ABCA4: variants seen among roughly 807,000 people sequenced by gnomAD.
ABCA4 encodes ATP binding cassette subfamily A member 4.
ABCA4 carries 196 observed loss-of-function variants against 263.7 expected under a neutral mutation model. The observed-to-expected ratio is 0.74, with a 90% confidence interval of 0.66 to 0.84. The LOEUF (loss-of-function observed/expected upper bound fraction) is 0.84, where lower values mean the gene tolerates loss of function less well. Ranked by LOEUF, ABCA4 falls within the 40% of genes least tolerant of loss-of-function variation. ABCA4 has a pLI of 0.00. For synonymous variants in ABCA4, 1,133 were observed against 1,094.2 expected (o/e 1.04, Z -0.70); for missense variants, 2,792 against 2,855.1 (o/e 0.98, Z 0.50).
rs534523935 is a variant in ABCA4 at position 94,115,827 on chromosome 1, C to T, written c.67-2761G>A. Reference sequence around the variant, plus strand: ...CTTATCTGCAACCTTGTAGGCCTGCCCTCCACTTACGTTCATCTCCCTCCT... The same window carrying T: ...CTTATCTGCAACCTTGTAGGCCTGCTCTCCACTTACGTTCATCTCCCTCCT... On this transcript the variant is annotated intron_variant, in intron 1 of 49. Coordinates refer to ENST00000370225, the MANE Select transcript of ABCA4 (RefSeq NM_000350.3). Among the ~76,000 whole-genome samples the T allele has an allele frequency of 5.7e-4, 87 of 152,266 alleles. 2 individuals are homozygous for T. Among genetic ancestry groups the T allele is most frequent in the African/African-American group, 2.0e-3 (82 of 41,548 alleles).
intron 13 of ABCA4, among the ~76,000 whole-genome samples, chr1:94,062,065 A>C (rs972776587): frequency 6.6e-6 from 1 of 152,136 alleles, no homozygotes; most frequent in African/African-American, 2.4e-5. Context: ...GGGAGTGTCC[A>C]GGGAGGCAGG....
chr1:94,099,917 C>A (rs1662243281), intron 5 of ABCA4, among the ~76,000 whole-genome samples: 1 of 152,136 alleles, frequency 6.6e-6, no homozygotes, highest in South Asian at 2.1e-4. Context: ...GATCAGGTGG[C>A]AGGGGAGAGG....
chr1:93,997,944 C>T lies in ABCA4; in HGVS notation c.6646G>A (p.Ala2216Thr). The T allele has an allele frequency of 1.9e-6, 3 of 1,613,914 alleles. No homozygotes were observed. The highest frequency in any genetic ancestry group is 2.5e-6 in the Non-Finnish European group (3 of 1,179,958). ...GAGAGGAGGAGCTGGAAGATCCTCG[C>T]CAGGGAGGAGGAGGAGACCTGGAAC... is the stretch of plus-strand genomic sequence containing the variant. The part of the protein sequence containing the change: ...LQFQVSSSSL[A>T]RIFQLLLSHK... The change falls in exon 48 of 50, where the codon GCG (alanine) becomes ACG (threonine). Residue 2216 changes from alanine (A) to threonine (T), a missense_variant. By Grantham distance (58) the Ala-to-Thr change is moderately conservative (BLOSUM62 0). Transcript: ENST00000370225.
At chr1:94,023,548 C>A in intron 31 of ABCA4, 130 bp from the exon 32 acceptor site, 1 of 819,010 alleles carries the variant, frequency 1.2e-6, no homozygotes, top group Non-Finnish European at 2.1e-6. Flanking sequence ...TTCCGATATC[C>A]AAGCAATGCG....
At chr1:94,075,490 G>A (rs533413270) in intron 11 of ABCA4, among the ~76,000 whole-genome samples, 5 of 152,212 alleles carry the variant, frequency 3.3e-5, no homozygotes, top group South Asian at 2.1e-4. Context: ...GGGGAGCCTC[G>A]GCTGCCACTT....
Position 94,098,939 on chromosome 1 carries a change from G to C in ABCA4, c.623C>G (p.Ala208Gly). The C allele has an allele frequency of 6.2e-7, 1 of 1,613,006 alleles. No homozygotes were observed. Among genetic ancestry groups the C allele is most frequent in the Non-Finnish European group, 8.5e-7 (1 of 1,180,022 alleles). Reference sequence around the variant, plus strand: ...GAAGATGATGAAGCGCTCCAGGAGGGCCTCGCTGCAGGCGATGTCCTTCAG... The same window carrying C: ...GAAGATGATGAAGCGCTCCAGGAGGCCCTCGCTGCAGGCGATGTCCTTCAG... Reference protein sequence around the residue: ...LALKDIACSEALLERFIIFSQ... With the variant: ...LALKDIACSEGLLERFIIFSQ... Residue 208 changes from alanine to glycine, a missense_variant, in exon 6 of 50, where the codon GCC becomes GGC. Physicochemically the swap from Ala to Gly is moderately conservative, Grantham distance 60. Transcript: ENST00000370225.
At chr1:94,036,876 C>T (rs373940025) in intron 25 of ABCA4, 88 bp from the exon 26 acceptor site, 5 of 1,308,608 alleles carry the variant, frequency 3.8e-6, no homozygotes, top group South Asian at 2.4e-5. Flanking sequence ...TTGGGTATTG[C>T]TTCATAATGG....
chr1:94,083,089 T>A (rs1050051956), intron 7 of ABCA4, among the ~76,000 whole-genome samples: 11 of 152,258 alleles, frequency 7.2e-5, no homozygotes, highest in African/African-American at 2.7e-4. Context: ...TCTGATGATT[T>A]ATGCCACACC....
intron 11 of ABCA4, among the ~76,000 whole-genome samples, 183 bp from the exon 12 acceptor site, chr1:94,063,500 G>A (rs1211982684): frequency 1.3e-5 from 2 of 152,238 alleles, no homozygotes; most frequent in Non-Finnish European, 2.9e-5. Flanking sequence ...GTGTCCAGAT[G>A]TAGGGGCGCC....
intron 6 of ABCA4, among the ~76,000 whole-genome samples, chr1:94,096,346 T>C (rs1176134353): frequency 3.9e-5 from 6 of 152,138 alleles, no homozygotes; most frequent in African/African-American, 1.4e-4. Context: ...TGTTGGCCCT[T>C]TCTAGGCTGC....
chr1:94,054,435 T>C (rs2101066685), intron 16 of ABCA4, among the ~76,000 whole-genome samples: 2 of 152,306 alleles, frequency 1.3e-5, no homozygotes, highest in African/African-American at 4.8e-5. Context: ...TATGTAGATC[T>C]CTTCAGTCTG....
In ABCA4 at chr1:94,063,121, A is replaced by C; in HGVS notation, c.1751T>G (p.Ile584Ser). 1 of 1,613,396 alleles carries C rather than the reference A, an allele frequency of 6.2e-7. No individual in the cohort carries two copies. The highest frequency in any genetic ancestry group is 8.5e-7 in the Non-Finnish European group (1 of 1,179,672). ...DIDVVEKTNK[I>S]KDRYWDSGPR... ...CTTCCTGAAACATCACCTGTCTTTA[A>C]TCTTATTGGTTTTCTCCACCACGTC... The change falls in exon 12 of 50, where the codon ATT becomes AGT. Residue 584 changes from isoleucine to serine, a missense_variant. Transcript: ENST00000370225.
intron 6 of ABCA4, 111 bp from the exon 7 acceptor site, chr1:94,083,552 T>C: frequency 2.6e-6 from 2 of 770,496 alleles, no homozygotes; most frequent in Non-Finnish European, 2.2e-6. Flanking sequence ...CCTCCTTCTT[T>C]CTGATCGCAG....
intron 31 of ABCA4, 91 bp downstream of exon 31, chr1:94,024,863 A>G: frequency 8.5e-7 from 1 of 1,171,888 alleles, no homozygotes. Context: ...CCCTGATCAT[A>G]CATAAATTGA....
chr1:94,029,289 G>T (rs1348249613), intron 30 of ABCA4, among the ~76,000 whole-genome samples, 156 bp downstream of exon 30: 1 of 152,158 alleles, frequency 6.6e-6, no homozygotes. Context: ...GCCCTGTGGG[G>T]AGCCCCTCCC....
intron 1 of ABCA4, among the ~76,000 whole-genome samples, chr1:94,117,812 T>G (rs923557888): frequency 6.6e-6 from 1 of 152,140 alleles, no homozygotes; most frequent in African/African-American, 2.4e-5. Context: ...CGCCCCTGCC[T>G]GGTTCTGAAC....
chr1:94,077,252 G>T (rs1185589346), intron 11 of ABCA4, among the ~76,000 whole-genome samples: 1 of 152,178 alleles, frequency 6.6e-6, no homozygotes, highest in Non-Finnish European at 1.5e-5. Flanking sequence ...AGAAGGATAT[G>T]TTCTATGGGC....
chr1:94,076,735 G>A (rs1245459813), intron 11 of ABCA4, among the ~76,000 whole-genome samples: 1 of 152,236 alleles, frequency 6.6e-6, no homozygotes, highest in Admixed American at 6.5e-5. Context: ...TGGTGCCAGT[G>A]TAGAGAAATG....
At chr1:94,032,686 C>G (rs534459357) in intron 26 of ABCA4, among the ~76,000 whole-genome samples, 4 of 152,196 alleles carry the variant, frequency 2.6e-5, no homozygotes, top group African/African-American at 9.6e-5. Flanking sequence ...AGGTGCTGGT[C>G]AATATGTGTA....
Sources: allele counts gnomAD v4.1 joint callset (sites outside exome capture counted in the v4.1 genomes callset), GRCh38; gene constraint gnomAD v4.1.1; transcripts MANE v1.5; gene names NCBI Gene and HGNC (gene_info 2026-07-23, HGNC 2026-07-21).